Variants in SGCD observed in about 807,000 individuals in gnomAD.
The protein encoded by SGCD is delta-sarcoglycan.
In SGCD, 18 loss-of-function variants were observed where a neutral mutation model predicts 36.6. The ratio of observed to expected loss-of-function variants is 0.49; its 90% CI spans 0.34 to 0.73. The LOEUF (loss-of-function observed/expected upper bound fraction) is 0.73. Ranked by LOEUF, SGCD falls within the 30% of genes least tolerant of loss-of-function variation. The probability of loss-of-function intolerance (pLI) is 0.01; values close to 1 mark genes in which losing one functional copy is unlikely to be tolerated. For synonymous variants in SGCD, 133 were observed against 130.6 expected (o/e 1.02, Z -0.12); for missense variants, 387 against 346.7 (o/e 1.12, Z -0.92).
intron 1 of SGCD, among the ~76,000 whole-genome samples, chr5:156,025,314 T>A (rs886461763): frequency 6.6e-6 from 1 of 152,186 alleles, no homozygotes; most frequent in African/African-American, 2.4e-5. Context: ...TCATATCTCA[T>A]TAGTTGGAGC....
intron 1 of SGCD, among the ~76,000 whole-genome samples, chr5:156,047,680 C>T (rs190525241): frequency 1.3e-5 from 2 of 152,164 alleles, no homozygotes; most frequent in East Asian, 1.9e-4. Context: ...TATTCCTGCG[C>T]ATTGACAATG....
chr5:156,029,926 C>A (rs3097855), intron 1 of SGCD, among the ~76,000 whole-genome samples: 1 of 152,038 alleles, frequency 6.6e-6, no homozygotes, highest in African/African-American at 2.4e-5. Context: ...ATTAAGCAGC[C>A]TTTCTTCCCC....
chr5:155,875,354 T>C (rs1322055420), intron 1 of SGCD, among the ~76,000 whole-genome samples: 1 of 152,122 alleles, frequency 6.6e-6, no homozygotes, highest in Non-Finnish European at 1.5e-5. Context: ...AGGTCAAAAC[T>C]TCTAAAACTA....
chr5:155,849,663 G>A, the SGCD span, among the ~76,000 whole-genome samples: 2 of 152,138 alleles, frequency 1.3e-5, no homozygotes, highest in Admixed American at 6.5e-5. Context: ...TTAATAGTGT[G>A]AGATGTAGAA....
chr5:155,957,344 C>G (rs1757684634), intron 1 of SGCD, among the ~76,000 whole-genome samples: 1 of 151,994 alleles, frequency 6.6e-6, no homozygotes, highest in Non-Finnish European at 1.5e-5. Flanking sequence ...GAGCTGCCCC[C>G]ACCAAGGTCA....
chr5:156,072,448 G>A (rs538518042), intron 1 of SGCD, among the ~76,000 whole-genome samples: 47 of 152,070 alleles, frequency 3.1e-4, no homozygotes, highest in Non-Finnish European at 2.2e-4. Flanking sequence ...TAAGAATGTT[G>A]AATATTGGCC....
At chr5:155,929,144 T>G (rs989736186) in intron 1 of SGCD, among the ~76,000 whole-genome samples, 1 of 152,162 alleles carries the variant, frequency 6.6e-6, no homozygotes, top group African/African-American at 2.4e-5. Context: ...TTTAGTGACT[T>G]TTTTTCTGTT....
intron 3 of SGCD, among the ~76,000 whole-genome samples, chr5:156,258,479 T>A (rs981588682): frequency 9.2e-5 from 14 of 152,226 alleles, no homozygotes; most frequent in Admixed American, 7.9e-4. Context: ...TGCAGCCAAC[T>A]TTTAAGAATC....
intron 1 of SGCD, among the ~76,000 whole-genome samples, chr5:156,089,597 C>T (rs954430091): frequency 6.6e-6 from 1 of 152,164 alleles, no homozygotes; most frequent in African/African-American, 2.4e-5. Context: ...CCAAAAGAAA[C>T]CTATAATTCT....
intron 7 of SGCD, among the ~76,000 whole-genome samples, chr5:156,755,911 G>A (rs1193635480): frequency 6.6e-6 from 1 of 152,152 alleles, no homozygotes; most frequent in South Asian, 2.1e-4. Context: ...TGAAAAATGT[G>A]GATGAGCTCT....
chr5:156,236,775 T>C (rs1353470252), intron 3 of SGCD, among the ~76,000 whole-genome samples: 6 of 150,196 alleles, frequency 4.0e-5, no homozygotes. Flanking sequence ...TTCTTAATGC[T>C]CCTGCTCCCA....
At chr5:155,969,982 C>T (rs1037450756) in intron 1 of SGCD, among the ~76,000 whole-genome samples, 1 of 151,704 alleles carries the variant, frequency 6.6e-6, no homozygotes, top group Non-Finnish European at 1.5e-5. Context: ...AAAGTTTTAG[C>T]TTATTGTCTT....
intron 4 of SGCD, among the ~76,000 whole-genome samples, chr5:156,575,832 A>C (rs909687696): frequency 3.9e-5 from 6 of 152,202 alleles, no homozygotes; most frequent in East Asian, 1.9e-4. Context: ...AGGACTTCTC[A>C]GAGCAAATAA....
intron 4 of SGCD, among the ~76,000 whole-genome samples, chr5:156,516,329 G>A (rs1035256852): frequency 1.3e-5 from 2 of 152,200 alleles, no homozygotes; most frequent in African/African-American, 2.4e-5. Flanking sequence ...AGAGGAAGGA[G>A]CAGACAGCCG....
intron 6 of SGCD, among the ~76,000 whole-genome samples, chr5:156,645,505 A>G (rs906162967): frequency 9.2e-5 from 14 of 152,198 alleles, no homozygotes; most frequent in Non-Finnish European, 1.8e-4. Context: ...TTTAGCAAGC[A>G]TTACTTGATG....
chr5:155,952,336 T>C (rs1028910797), intron 1 of SGCD, among the ~76,000 whole-genome samples: 3 of 152,154 alleles, frequency 2.0e-5, no homozygotes, highest in Admixed American at 1.3e-4. Flanking sequence ...GTGGATGTTT[T>C]CCTGCTCCTG....
intron 7 of SGCD, among the ~76,000 whole-genome samples, chr5:156,689,424 AG>A (rs1754031105): frequency 1.3e-5 from 2 of 152,208 alleles, no homozygotes; most frequent in Admixed American, 6.6e-5. Context: ...TAGTCTAGAA[AG>A]GGCAGTACCA....
At chr5:156,413,019 G>A (rs536023792) in intron 3 of SGCD, among the ~76,000 whole-genome samples, 90 of 151,688 alleles carry the variant, frequency 5.9e-4, no homozygotes, top group African/African-American at 2.0e-3. Flanking sequence ...GGATGGTCTC[G>A]ATCTCCTGAC....
intron 4 of SGCD, among the ~76,000 whole-genome samples, chr5:156,527,505 T>C (rs17053596): frequency 0.081 from 12,306 of 152,158 alleles, 940 homozygotes; most frequent in African/African-American, 0.2. Context: ...AGCAGCCTAG[T>C]GTTAGAGAAA....
Sources: allele counts gnomAD v4.1 joint callset (sites outside exome capture counted in the v4.1 genomes callset), GRCh38; gene constraint gnomAD v4.1.1; transcripts MANE v1.5; gene names NCBI Gene and HGNC (gene_info 2026-07-23, HGNC 2026-07-21).